Variants in LHPP observed in about 807,000 individuals in gnomAD.
The protein encoded by LHPP is phospholysine phosphohistidine inorganic pyrophosphate phosphatase, also known as hLHPP.
LHPP carries 24 observed loss-of-function variants against 30.3 expected under a neutral mutation model. The ratio of observed to expected loss-of-function variants is 0.79; its 90% confidence interval spans 0.57 to 1.11. The LOEUF (loss-of-function observed/expected upper bound fraction) is 1.11, where lower values mean the gene tolerates loss of function less well. Ranked by LOEUF, LHPP falls within the 50% of genes most tolerant of loss-of-function variation. The pLI, the probability that LHPP is intolerant of heterozygous loss-of-function variation, is 0.00. For synonymous variants in LHPP, 150 were observed against 157.1 expected (o/e 0.95, Z 0.34); for missense variants, 356 against 367.2 (o/e 0.97, Z 0.25).
intron 5 of LHPP, chr10:124,498,652 T>C: frequency 1.6e-6 from 1 of 618,728 alleles, no homozygotes; most frequent in Non-Finnish European, 2.9e-6. Flanking sequence ...GGGTTTTCTT[T>C]TCTTTTTCTT....
At chr10:124,520,805 G>C (rs1194990323) in intron 6 of LHPP, among the ~76,000 whole-genome samples, 1 of 152,196 alleles carries the variant, frequency 6.6e-6, no homozygotes, top group Admixed American at 6.5e-5. Context: ...CGCAGGGGGT[G>C]ACTTGTAGCT....
chr10:124,539,597 G>A (rs191123544), intron 6 of LHPP, among the ~76,000 whole-genome samples: 6 of 152,138 alleles, frequency 3.9e-5, no homozygotes, highest in Non-Finnish European at 7.3e-5. Flanking sequence ...TTAGCCAGGC[G>A]TGGTGGCTCA....
chr10:124,564,324 C>T (rs1373661452), intron 6 of LHPP, among the ~76,000 whole-genome samples: 8 of 152,104 alleles, frequency 5.3e-5, no homozygotes. Flanking sequence ...AGGGTTTCAC[C>T]ATGTTACCCA....
chr10:124,566,313 C>A (rs551960371), intron 6 of LHPP, among the ~76,000 whole-genome samples: 1 of 152,182 alleles, frequency 6.6e-6, no homozygotes, highest in Non-Finnish European at 1.5e-5. Flanking sequence ...GTCCTTTCCC[C>A]CCTGGGGGAC....
intron 5 of LHPP, among the ~76,000 whole-genome samples, chr10:124,511,134 G>A (rs75965557): frequency 0.04 from 6,157 of 152,148 alleles, 163 homozygotes; most frequent in Middle Eastern, 0.078. Flanking sequence ...ACCATATCTG[G>A]GTATTTTTAC....
chr10:124,498,960 C>T (rs1251251542), intron 5 of LHPP, among the ~76,000 whole-genome samples: 1 of 151,396 alleles, frequency 6.6e-6, no homozygotes, highest in Non-Finnish European at 1.5e-5. Context: ...CGGCTCACTG[C>T]AACCTCCACC....
chr10:124,488,606 G>T (rs757387583), intron 3 of LHPP, 31 bp downstream of exon 3: 5 of 1,587,744 alleles, frequency 3.1e-6, no homozygotes, highest in Non-Finnish European at 4.3e-6. Flanking sequence ...GTCATTTCTC[G>T]GTGCTTTAGA....
chr10:124,573,720 A>C (rs1948618564), intron 6 of LHPP, among the ~76,000 whole-genome samples: 1 of 152,166 alleles, frequency 6.6e-6, no homozygotes, highest in Non-Finnish European at 1.5e-5. Context: ...CTGCCACATC[A>C]TCATCCCATA....
rs771263563 is a variant in LHPP, at chr10:124,484,172, C to T, written c.159C>T (p.Cys53=). 2.5e-6 allele frequency: 4 copies of T among 1,614,072 alleles called. No individual in the cohort carries two copies. In the South Asian group the frequency reaches 3.3e-5, roughly 13 times the overall value. ...GTTCCCGGCTGAAGGTGAGGTTCTG[C>T]ACCAACGAGTCGCAGAAGTCCCGGG... ...LKRSRLKVRF[C]TNESQKSRAE... Residue 53 remains cysteine, a synonymous_variant, in exon 2 of 7, where the codon TGC becomes TGT. Transcript: ENST00000368842.
chr10:124,486,423 C>G (rs937503173), intron 2 of LHPP, among the ~76,000 whole-genome samples: 1 of 152,184 alleles, frequency 6.6e-6, no homozygotes, highest in Non-Finnish European at 1.5e-5. Context: ...ATTAGCAGGA[C>G]TCACAGAACT....
rs748682955 is a variant in LHPP, at chr10:124,498,095, T to G, written c.591T>G (p.Ser197=). The change falls in exon 5 of 7, where the codon TCT becomes TCG. Residue 197 remains serine, a synonymous_variant. Transcript: ENST00000368842. The part of the protein sequence containing the change: ...VGKPSPEFFK[S]ALQAIGVEAH... ...AGCCTTCTCCTGAGTTTTTCAAGTC[T>G]GCCCTGCAAGCGATAGGAGTGGAAG... is the stretch of plus-strand genomic sequence containing the variant. The G allele has an allele frequency of 1.2e-6, 2 of 1,614,158 alleles. No individual in the cohort carries two copies. The highest frequency in any genetic ancestry group is 4.5e-5 in the East Asian group (2 of 44,880).
rs189921079 is a variant in LHPP, at chr10:124,607,660, G to A, written c.717-5604G>A. The stretch of plus-strand genomic sequence containing the variant: ...TGGCCCCAGGGCACCTGGGGAAGGT[G>A]TCCAAGGAGGGGGTCCTGGGGGCCA... On this transcript the variant is annotated intron_variant, in intron 6 of 6. Transcript: ENST00000368842. 2.0e-4 allele frequency among the ~76,000 whole-genome samples: 31 copies of A among 152,274 alleles called. 1 individual carries two copies. The highest frequency in any genetic ancestry group is 4.4e-4 in the Non-Finnish European group (30 of 68,008).
intron 6 of LHPP, among the ~76,000 whole-genome samples, chr10:124,550,658 G>A (rs952372341): frequency 2.0e-5 from 3 of 152,198 alleles, no homozygotes; most frequent in African/African-American, 7.2e-5. Flanking sequence ...GCACACAGGC[G>A]TGTCCCCCGT....
rs754656065 is a variant in LHPP, at chr10:124,590,844, G to A, written c.717-22420G>A. ...ACACTTGGAGGGACAGGATGGCTTC[G>A]TATCCATCTGGCTGTGCCCTGTAAC... On this transcript the variant is annotated intron_variant, in intron 6 of 6. Transcript: ENST00000368842. The surrounding 1 kb of genome is among the most constrained non-coding windows in gnomAD (Gnocchi z 4.3). Among the ~76,000 whole-genome samples, 8 of 152,202 alleles carry A rather than the reference G, an allele frequency of 5.3e-5. No homozygotes were observed. The highest frequency in any genetic ancestry group is 2.1e-4 in the South Asian group (1 of 4,830).
intron 6 of LHPP, among the ~76,000 whole-genome samples, chr10:124,602,929 T>G (rs1949042990): frequency 1.3e-5 from 2 of 152,298 alleles, no homozygotes; most frequent in African/African-American, 4.8e-5. Flanking sequence ...TCTCTTTTGG[T>G]TGGGGGGCAC....
At chr10:124,606,610 A>G (rs1281909300) in intron 6 of LHPP, among the ~76,000 whole-genome samples, 5 of 152,238 alleles carry the variant, frequency 3.3e-5, no homozygotes, top group Non-Finnish European at 5.9e-5. Flanking sequence ...GCCAAGCCCT[A>G]TGCTACCTTA....
At chr10:124,564,665 C>T (rs1948460965) in intron 6 of LHPP, among the ~76,000 whole-genome samples, 1 of 152,142 alleles carries the variant, frequency 6.6e-6, no homozygotes. Flanking sequence ...CTCCTGGTTC[C>T]CCAGTGAGAG....
intron 1 of LHPP, among the ~76,000 whole-genome samples, chr10:124,471,550 A>G (rs192398485): frequency 5.7e-5 from 3 of 52,444 alleles, no homozygotes; most frequent in Non-Finnish European, 1.1e-4. Context: ...TATATTTTAT[A>G]TATATTTATA....
chr10:124,575,774 A>T (rs1428359622), intron 6 of LHPP, among the ~76,000 whole-genome samples: 1 of 151,562 alleles, frequency 6.6e-6, no homozygotes, highest in Non-Finnish European at 1.5e-5. Context: ...CACTCTCACC[A>T]CCTCCAACTT....
Sources: allele counts gnomAD v4.1 joint callset (sites outside exome capture counted in the v4.1 genomes callset), GRCh38; gene constraint gnomAD v4.1.1; non-coding constraint Gnocchi (gnomAD v3.1); transcripts MANE v1.5; gene names NCBI Gene and HGNC (gene_info 2026-07-23, HGNC 2026-07-21).